GNAQ: variants seen among roughly 807,000 people sequenced by gnomAD.
The protein encoded by GNAQ is guanine nucleotide-binding protein G(q) subunit alpha.
Under a neutral mutation model 43.9 loss-of-function variants are expected in GNAQ, and 8 were observed. That is an observed-to-expected ratio of 0.18 (90% confidence interval 0.11 to 0.33). The LOEUF (loss-of-function observed/expected upper bound fraction) is 0.33, where lower values mean the gene tolerates loss of function less well. Ranked by LOEUF, GNAQ falls within the 10% of genes least tolerant of loss-of-function variation. The probability of loss-of-function intolerance (pLI) is 1.00; values close to 1 mark genes in which losing one functional copy is unlikely to be tolerated. For synonymous variants in GNAQ, 155 were observed against 170.7 expected (o/e 0.91, Z 0.71); for missense variants, 158 against 450.8 (o/e 0.35, Z 5.88).
intron 1 of GNAQ, among the ~76,000 whole-genome samples, chr9:77,955,237 G>A (rs903269689): frequency 6.6e-6 from 1 of 152,172 alleles, no homozygotes; most frequent in Non-Finnish European, 1.5e-5. Flanking sequence ...CTGCCGCCCA[G>A]GTTCAAGCAA....
At chr9:77,798,351 G>C (rs1826690713) in intron 3 of GNAQ, among the ~76,000 whole-genome samples, 1 of 152,074 alleles carries the variant, frequency 6.6e-6, no homozygotes, top group Non-Finnish European at 1.5e-5. Flanking sequence ...AGACTCACAA[G>C]AAGTTGCAAA....
At chr9:77,835,349 A>T (rs1045258885) in intron 2 of GNAQ, among the ~76,000 whole-genome samples, 1 of 151,944 alleles carries the variant, frequency 6.6e-6, no homozygotes, top group Admixed American at 6.6e-5. Context: ...AACTTCAACC[A>T]AGACAAAAAA....
At chr9:77,939,816 T>A (rs998250350) in intron 1 of GNAQ, among the ~76,000 whole-genome samples, 2 of 152,186 alleles carry the variant, frequency 1.3e-5, no homozygotes, top group African/African-American at 4.8e-5. Flanking sequence ...AACATGGCCA[T>A]TGAACTCTTT....
intron 3 of GNAQ, among the ~76,000 whole-genome samples, chr9:77,800,503 C>T (rs527505140): frequency 6.6e-6 from 1 of 152,176 alleles, no homozygotes; most frequent in Non-Finnish European, 1.5e-5. Flanking sequence ...TATTCTCACT[C>T]ATAGGTGGGA....
At chr9:78,026,442 C>T (rs1411624358) in intron 1 of GNAQ, among the ~76,000 whole-genome samples, 1 of 152,108 alleles carries the variant, frequency 6.6e-6, no homozygotes. Flanking sequence ...GAACTGTATC[C>T]AAATAAATCC....
chr9:77,907,762 T>C (rs958745840), intron 2 of GNAQ, among the ~76,000 whole-genome samples: 13 of 152,208 alleles, frequency 8.5e-5, no homozygotes, highest in African/African-American at 2.7e-4. Context: ...ATTCATTCCA[T>C]AGTATTTACT....
At chr9:77,935,519 C>T (rs1260494869) in intron 1 of GNAQ, among the ~76,000 whole-genome samples, 1 of 152,116 alleles carries the variant, frequency 6.6e-6, no homozygotes, top group Non-Finnish European at 1.5e-5. Flanking sequence ...CCCTTGGTAG[C>T]GAATGCTCAG....
chr9:77,723,863 T>C (rs982962386), intron 6 of GNAQ, among the ~76,000 whole-genome samples: 1 of 152,164 alleles, frequency 6.6e-6, no homozygotes, highest in Non-Finnish European at 1.5e-5. Flanking sequence ...CACAGTATTG[T>C]GAGTGTAATT....
rs79341489 is a variant in GNAQ at position 78,005,820 on chromosome 9, G to A, written c.136+25280C>T. 7.4e-3 allele frequency among the ~76,000 whole-genome samples: 1,126 copies of A among 152,286 alleles called. 5 individuals carry two copies. Among genetic ancestry groups the A allele is most frequent in the South Asian group, 0.028 (136 of 4,832 alleles). ...CCCAGGCTCAATGATTCACCTGGAA[G>A]ACTCGCCCGTCTCAGCATATAGTTG... On this transcript the variant is annotated intron_variant, in intron 1 of 6. Transcript: ENST00000286548.
At chr9:77,760,696 C>A (rs1288626385) in intron 5 of GNAQ, among the ~76,000 whole-genome samples, 2 of 151,570 alleles carry the variant, frequency 1.3e-5, no homozygotes, top group African/African-American at 2.4e-5. Flanking sequence ...AGCCCCTCTG[C>A]CTGGCTGCCC....
At chr9:77,767,972 T>C (rs1245046915) in intron 5 of GNAQ, among the ~76,000 whole-genome samples, 1 of 152,250 alleles carries the variant, frequency 6.6e-6, no homozygotes, top group Non-Finnish European at 1.5e-5. Context: ...AAGGAAATTA[T>C]ATTTAGACTT....
intron 6 of GNAQ, among the ~76,000 whole-genome samples, chr9:77,722,841 TG>T (rs1394109425): frequency 6.6e-6 from 1 of 151,916 alleles, no homozygotes; most frequent in Non-Finnish European, 1.5e-5. Context: ...TTTGTAAAGA[TG>T]GGGGTATCAC....
At chr9:77,816,297 T>C (rs1206431855) in intron 2 of GNAQ, among the ~76,000 whole-genome samples, 1 of 152,126 alleles carries the variant, frequency 6.6e-6, no homozygotes, top group African/African-American at 2.4e-5. Context: ...GAACAATTAA[T>C]AGTAATAATT....
At chr9:78,023,932 T>TTGGATATGTG in intron 1 of GNAQ, among the ~76,000 whole-genome samples, 1 of 152,212 alleles carries the variant, frequency 6.6e-6, no homozygotes, top group African/African-American at 2.4e-5. Flanking sequence ...CACACACATA[T>TTGGATATGTG]TGTATATGTG....
chr9:77,936,689 T>C (rs1829237460), intron 1 of GNAQ, among the ~76,000 whole-genome samples: 2 of 152,148 alleles, frequency 1.3e-5, no homozygotes, highest in South Asian at 4.2e-4. Context: ...TTCCAGGGGT[T>C]TGTGAAATCA....
chr9:77,828,244 T>C (rs1827237803), intron 2 of GNAQ, among the ~76,000 whole-genome samples: 2 of 152,042 alleles, frequency 1.3e-5, no homozygotes, highest in South Asian at 4.1e-4. Context: ...ATAGCAGATT[T>C]AAGATAGATG....
intron 1 of GNAQ, among the ~76,000 whole-genome samples, chr9:78,011,783 A>T (rs1433448146): frequency 6.6e-6 from 1 of 152,214 alleles, no homozygotes; most frequent in African/African-American, 2.4e-5. Context: ...GGAGAGATAC[A>T]GCAATTAGAG....
intron 1 of GNAQ, among the ~76,000 whole-genome samples, chr9:78,027,962 G>A (rs1824002913): frequency 6.6e-6 from 1 of 152,078 alleles, no homozygotes; most frequent in African/African-American, 2.4e-5. Flanking sequence ...TATGTAACAT[G>A]AAGCAGGCAC....
chr9:77,961,749 A>G (rs531368699), intron 1 of GNAQ, among the ~76,000 whole-genome samples: 2 of 152,348 alleles, frequency 1.3e-5, no homozygotes, highest in Admixed American at 1.3e-4. Flanking sequence ...ACCACTTTTC[A>G]AAGGAATCCA....
Sources: gnomAD v4.1 joint callset for allele counts (sites outside exome capture counted in the v4.1 genomes callset) on GRCh38, gnomAD v4.1.1 for gene constraint, MANE v1.5 for transcripts, NCBI Gene and HGNC (gene_info 2026-07-23, HGNC 2026-07-21) for gene names.